SYNE2: variants seen among roughly 807,000 people sequenced by gnomAD.
SYNE2 encodes the protein spectrin repeat containing nuclear envelope protein 2.
SYNE2 carries 431 observed loss-of-function variants against 856.3 expected under a neutral mutation model. The ratio of observed to expected loss-of-function variants is 0.50; its 90% CI spans 0.47 to 0.55. The LOEUF (loss-of-function observed/expected upper bound fraction) is 0.55. Ranked by LOEUF, SYNE2 falls within the 20% of genes least tolerant of loss-of-function variation. The pLI is 0.00. For missense variants in SYNE2, 8,129 were observed against 8,023.2 expected, an observed-to-expected ratio of 1.01 and a Z score of -0.50; for synonymous variants, 2,923 against 2,872.3, an observed-to-expected ratio of 1.02 and a Z score of -0.56.
At chr14:64,181,701 C>T (rs2098458969) in intron 96 of SYNE2, among the ~76,000 whole-genome samples, 1 of 152,022 alleles carries the variant, frequency 6.6e-6, no homozygotes, top group South Asian at 2.1e-4. Flanking sequence ...CTTTCCTCCT[C>T]ATAAAATTAT....
intron 1 of SYNE2, among the ~76,000 whole-genome samples, chr14:63,861,173 C>G (rs1402989670): frequency 7.4e-6 from 1 of 135,484 alleles, no homozygotes; most frequent in East Asian, 2.2e-4. Context: ...GAGACGGAGT[C>G]TTACTCTGTT....
chr14:63,962,051 T>G (rs2096324158), intron 9 of SYNE2, among the ~76,000 whole-genome samples: 1 of 151,678 alleles, frequency 6.6e-6, no homozygotes, highest in African/African-American at 2.4e-5. Context: ...ATTTTTATTT[T>G]TGTTTATTTA....
chr14:64,037,860 C>G (rs1429643568), intron 45 of SYNE2, among the ~76,000 whole-genome samples: 1 of 150,634 alleles, frequency 6.6e-6, no homozygotes, highest in Admixed American at 6.6e-5. Context: ...CCCCACCTCC[C>G]TCCCGGACGG....
chr14:63,926,634 C>G (rs2095669646), intron 2 of SYNE2, among the ~76,000 whole-genome samples: 2 of 152,170 alleles, frequency 1.3e-5, no homozygotes, highest in Non-Finnish European at 2.9e-5. Flanking sequence ...GTTTGCTGAC[C>G]TCTGGTCTAA....
chr14:63,892,383 T>C (rs940512223), intron 1 of SYNE2, among the ~76,000 whole-genome samples: 6 of 151,768 alleles, frequency 4.0e-5, no homozygotes, highest in Admixed American at 6.6e-5. Context: ...CCTTTTTTTT[T>C]CCCTCAGAGC....
chr14:64,074,049 T>G lies in SYNE2; in HGVS notation c.10779T>G (p.Ile3593Met), dbSNP rs1412201671. The change falls in exon 53 of 116, where the codon ATT becomes ATG. Residue 3593 changes from isoleucine (I) to methionine (M), a missense_variant. Coordinates refer to ENST00000555002, the MANE Select transcript of SYNE2 (RefSeq NM_182914.3). ...QERHSFTKEI[I>M]ALKNFFQQTT... Reference sequence around the variant, plus strand: ...GACATTCCTTCACAAAAGAGATAATTGCTTTGAAGAATTTCTTTCAACAGA... The same window carrying G: ...GACATTCCTTCACAAAAGAGATAATGGCTTTGAAGAATTTCTTTCAACAGA... 6.2e-7 allele frequency: 1 copy of G among 1,614,086 alleles called. No individual in the cohort carries two copies. Among genetic ancestry groups the G allele is most frequent in the African/African-American group, 1.3e-5 (1 of 74,952 alleles).
At position 64,052,319 on chromosome 14, in the gene SYNE2, T is replaced by C. The variant is rs747353149; in HGVS notation, c.8406T>C (p.Ser2802=). Residue 2802 remains serine (S), a synonymous_variant, in exon 48 of 116, where the codon AGT becomes AGC. Transcript: ENST00000555002. The stretch of plus-strand genomic sequence containing the variant: ...CTAGCCTTACAACCTATGAGGGCAG[T>C]GATTTAAATAATACCCTAGAGGACT... The part of the protein sequence containing the change: ...KVPSLTTYEG[S]DLNNTLEDLR... The C allele has an allele frequency of 6.2e-7, 1 of 1,614,122 alleles. No individual in the cohort carries two copies. The highest frequency in any genetic ancestry group is 8.5e-7 in the Non-Finnish European group (1 of 1,180,010).
chr14:64,073,900 A>G (rs1412983944), intron 52 of SYNE2, 68 bp from the exon 53 acceptor site: 13 of 1,543,176 alleles, frequency 8.4e-6, no homozygotes, highest in African/African-American at 1.4e-5. Flanking sequence ...TGTTGCAATA[A>G]AACTGTTTCA....
chr14:63,836,226 G>A (rs568380093), intron 1 of SYNE2, among the ~76,000 whole-genome samples: 1 of 152,114 alleles, frequency 6.6e-6, no homozygotes, highest in South Asian at 2.1e-4. Context: ...GTTTCACCAT[G>A]TTCCCCATTC....
chr14:64,024,190 G>A (rs1317370465), intron 38 of SYNE2, 67 bp from the exon 39 acceptor site: 15 of 1,431,120 alleles, frequency 1.0e-5, no homozygotes, highest in Admixed American at 3.4e-5. Flanking sequence ...GAAAAGTGTC[G>A]TGAGGGTGGC....
chr14:64,105,783 G>C (rs2097767147), intron 64 of SYNE2, among the ~76,000 whole-genome samples: 1 of 127,092 alleles, frequency 7.9e-6, no homozygotes, highest in East Asian at 2.2e-4. Context: ...ACCAGGCTAG[G>C]TGCAGTTGTC....
chr14:64,194,433 C>G (rs1567608624), intron 99 of SYNE2, among the ~76,000 whole-genome samples: 1 of 152,114 alleles, frequency 6.6e-6, no homozygotes, highest in African/African-American at 2.4e-5. Flanking sequence ...GCTGGGACTA[C>G]AAGCACACAC....
intron 87 of SYNE2, among the ~76,000 whole-genome samples, chr14:64,159,687 A>C (rs1370761509): frequency 6.6e-6 from 1 of 152,170 alleles, no homozygotes; most frequent in Non-Finnish European, 1.5e-5. Context: ...ACCCCAGTGT[A>C]CTCACTTACA....
intron 14 of SYNE2, 139 bp from the exon 15 acceptor site, chr14:63,980,515 C>G (rs2096577491): frequency 3.3e-6 from 2 of 612,600 alleles, no homozygotes; most frequent in Non-Finnish European, 5.9e-6. Flanking sequence ...TCCTGTTTTC[C>G]TACCAAATAT....
chr14:63,866,156 G>T (rs78435640), intron 1 of SYNE2, among the ~76,000 whole-genome samples: 6,283 of 152,018 alleles, frequency 0.041, 425 homozygotes, highest in African/African-American at 0.14. Flanking sequence ...TTTCCTCTCC[G>T]CTGGTGAACA....
intron 49 of SYNE2, among the ~76,000 whole-genome samples, chr14:64,057,628 T>A (rs2097283324): frequency 6.6e-6 from 1 of 152,226 alleles, no homozygotes; most frequent in Non-Finnish European, 1.5e-5. Flanking sequence ...CTTTTGGGTA[T>A]ATGCACAGCA....
intron 77 of SYNE2, among the ~76,000 whole-genome samples, chr14:64,133,192 C>G (rs1232784950): frequency 6.9e-6 from 1 of 145,888 alleles, no homozygotes; most frequent in African/African-American, 2.6e-5. Flanking sequence ...GGCGACAGAG[C>G]GAGACTCTGT....
intron 1 of SYNE2, among the ~76,000 whole-genome samples, chr14:63,854,057 A>AAAGG (rs766228667): frequency 9.2e-5 from 14 of 152,066 alleles, no homozygotes; most frequent in African/African-American, 1.4e-4. Context: ...TCCCTCCGTG[A>AAAGG]AAGGGAGCGT....
At chr14:63,764,598 A>C (rs1295322186) in intron 1 of SYNE2, among the ~76,000 whole-genome samples, 2 of 139,080 alleles carry the variant, frequency 1.4e-5, no homozygotes, top group Non-Finnish European at 3.0e-5. Flanking sequence ...AAGTTCTAGG[A>C]TACATGTGCA....
Sources: allele counts gnomAD v4.1 joint callset (sites outside exome capture counted in the v4.1 genomes callset), GRCh38; gene constraint gnomAD v4.1.1; transcripts MANE v1.5; gene names NCBI Gene and HGNC (gene_info 2026-07-23, HGNC 2026-07-21).